The following CNTNAP2 variants were observed in gnomAD, a reference collection of about 807,000 sequenced individuals.
CNTNAP2 encodes the protein contactin-associated protein-like 2.
A neutral mutation model predicts 155.2 loss-of-function variants in CNTNAP2; 98 were observed. The observed-to-expected ratio is 0.63, with a 90% CI of 0.54 to 0.75. CNTNAP2 has a LOEUF of 0.75. CNTNAP2 is among the 30% of genes least tolerant of loss of function. The pLI is 0.00. For missense variants in CNTNAP2, 1,727 were observed against 1,688.1 expected (o/e 1.02, Z -0.40); for synonymous variants, 651 against 631.2 (o/e 1.03, Z -0.47).
At chr7:146,835,391 G>T (rs1803597319) in intron 2 of CNTNAP2, among the ~76,000 whole-genome samples, 1 of 152,098 alleles carries the variant, frequency 6.6e-6, no homozygotes. Context: ...ATAGAACTCT[G>T]TATGAAATTG....
At chr7:146,869,761 A>T (rs1485195226) in intron 3 of CNTNAP2, among the ~76,000 whole-genome samples, 1 of 152,032 alleles carries the variant, frequency 6.6e-6, no homozygotes, top group Non-Finnish European at 1.5e-5. Context: ...AGGCCAGAAG[A>T]CTCAGCAAGT....
At chr7:147,590,130 A>T (rs1312575700) in intron 12 of CNTNAP2, among the ~76,000 whole-genome samples, 2 of 152,194 alleles carry the variant, frequency 1.3e-5, no homozygotes, top group Non-Finnish European at 2.9e-5. Context: ...AAGTGTAAAA[A>T]ACATAATTTG....
At chr7:146,878,856 C>G (rs1795482656) in intron 3 of CNTNAP2, among the ~76,000 whole-genome samples, 1 of 152,164 alleles carries the variant, frequency 6.6e-6, no homozygotes, top group South Asian at 2.1e-4. Context: ...CAAAGCAGCT[C>G]TGACCACTTT....
chr7:146,833,451 A>C (rs1037176967), intron 2 of CNTNAP2, among the ~76,000 whole-genome samples: 1 of 151,794 alleles, frequency 6.6e-6, no homozygotes, highest in Non-Finnish European at 1.5e-5. Context: ...TTCTCTACTC[A>C]AGTCCCAGAA....
chr7:147,396,312 T>C (rs1270564658), intron 10 of CNTNAP2, among the ~76,000 whole-genome samples: 1 of 151,654 alleles, frequency 6.6e-6, no homozygotes, highest in Non-Finnish European at 1.5e-5. Flanking sequence ...ACTCTGACAG[T>C]TGATTTTTAG....
intron 1 of CNTNAP2, among the ~76,000 whole-genome samples, chr7:146,134,530 T>A (rs1462001676): frequency 6.6e-6 from 1 of 151,522 alleles, no homozygotes; most frequent in Non-Finnish European, 1.5e-5. Context: ...CCATTCAGTA[T>A]GATATTGGCT....
At chr7:146,501,522 T>C (rs191166766) in intron 1 of CNTNAP2, among the ~76,000 whole-genome samples, 192 of 152,288 alleles carry the variant, frequency 1.3e-3, no homozygotes, top group African/African-American at 4.5e-3. Context: ...TATTATTCCT[T>C]TGTAAGCTTT....
intron 11 of CNTNAP2, among the ~76,000 whole-genome samples, chr7:147,526,433 A>G (rs1239749194): frequency 6.6e-6 from 1 of 152,154 alleles, no homozygotes; most frequent in Non-Finnish European, 1.5e-5. Flanking sequence ...CCTGTCTGGA[A>G]TATAGATATC....
chr7:146,158,387 T>A (rs1192834610), intron 1 of CNTNAP2, among the ~76,000 whole-genome samples: 1 of 152,186 alleles, frequency 6.6e-6, no homozygotes, highest in Non-Finnish European at 1.5e-5. Context: ...GGATGGAGAA[T>A]GACTTTGATG....
chr7:148,222,904 G>A (rs879551753), intron 19 of CNTNAP2, among the ~76,000 whole-genome samples: 3 of 152,102 alleles, frequency 2.0e-5, no homozygotes, highest in Admixed American at 6.5e-5. Context: ...AGTTGTCTTG[G>A]GCAATCAGTT....
chr7:146,787,769 C>T (rs1442862753), intron 2 of CNTNAP2, among the ~76,000 whole-genome samples: 5 of 152,280 alleles, frequency 3.3e-5, no homozygotes, highest in Non-Finnish European at 5.9e-5. Context: ...CCGATTGGTC[C>T]GTTTTGACAG....
intron 16 of CNTNAP2, among the ~76,000 whole-genome samples, chr7:148,132,799 C>A (rs1804860189): frequency 6.6e-6 from 1 of 152,226 alleles, no homozygotes; most frequent in South Asian, 2.1e-4. Context: ...AAGGGAACAT[C>A]TCCAACATTC....
chr7:146,927,894 G>A (rs1796639872), intron 3 of CNTNAP2, among the ~76,000 whole-genome samples: 1 of 148,822 alleles, frequency 6.7e-6, no homozygotes, highest in African/African-American at 2.4e-5. Context: ...TATAGAGAGA[G>A]TGTGTGTGTA....
At chr7:148,413,600 T>G (rs548485296) in intron 23 of CNTNAP2, among the ~76,000 whole-genome samples, 9 of 151,184 alleles carry the variant, frequency 6.0e-5, no homozygotes, top group Non-Finnish European at 1.2e-4. Context: ...GTTAGTAGTA[T>G]TGTTCGAGTC....
intron 1 of CNTNAP2, among the ~76,000 whole-genome samples, chr7:146,504,310 A>C (rs1001727699): frequency 1.3e-5 from 2 of 152,210 alleles, no homozygotes; most frequent in Non-Finnish European, 2.9e-5. Context: ...CATAGGCCAG[A>C]GCCCAGAGAC....
chr7:148,274,720 C>A (rs747835457), intron 21 of CNTNAP2, among the ~76,000 whole-genome samples: 6 of 152,208 alleles, frequency 3.9e-5, no homozygotes, highest in Non-Finnish European at 7.3e-5. Flanking sequence ...ATAAAGCCTG[C>A]AGAACTGTGA....
chr7:147,443,383 C>T (rs1310972559), intron 10 of CNTNAP2, among the ~76,000 whole-genome samples: 2 of 152,190 alleles, frequency 1.3e-5, no homozygotes, highest in African/African-American at 4.8e-5. Context: ...CCCATGCTGC[C>T]ACTGCCTGCA....
At chr7:146,915,003 G>A (rs1796366124) in intron 3 of CNTNAP2, among the ~76,000 whole-genome samples, 1 of 151,982 alleles carries the variant, frequency 6.6e-6, no homozygotes. Context: ...TATAAGGTGA[G>A]AGATGAGGAT....
chr7:146,287,615 G>T (rs900579830), intron 1 of CNTNAP2, among the ~76,000 whole-genome samples: 1 of 152,082 alleles, frequency 6.6e-6, no homozygotes, highest in African/African-American at 2.4e-5. Flanking sequence ...TAAGGCTTGT[G>T]ACTTCTAATC....
Sources: allele counts gnomAD v4.1 joint callset (sites outside exome capture counted in the v4.1 genomes callset), GRCh38; gene constraint gnomAD v4.1.1; transcripts MANE v1.5; gene names NCBI Gene and HGNC (gene_info 2026-07-23, HGNC 2026-07-21).